Variants in QTMAN observed in about 807,000 individuals in gnomAD.
QTMAN encodes tRNA-queuosine alpha-mannosyltransferase.
chr2:144,244,965 GC>G, the QTMAN span, among the ~76,000 whole-genome samples: 1 of 152,188 alleles, frequency 6.6e-6, no homozygotes, highest in Non-Finnish European at 1.5e-5. Flanking sequence ...TTTGCTGCCT[GC>G]TACATGCATG....
At chr2:144,208,376 G>A in the QTMAN span, among the ~76,000 whole-genome samples, 2 of 152,270 alleles carry the variant, frequency 1.3e-5, no homozygotes, top group Admixed American at 1.3e-4. Context: ...AAGACAATGA[G>A]AAAACACATA....
chr2:144,288,043 CGGGGTTTCACCATATT>C, the QTMAN span, among the ~76,000 whole-genome samples: 29 of 151,886 alleles, frequency 1.9e-4, no homozygotes, highest in Middle Eastern at 3.4e-3. Flanking sequence ...TTAGTAGAGA[CGGGGTTTCACCATATT>C]GGGGTTTCAC....
chr2:144,292,050 C>T, the QTMAN span, among the ~76,000 whole-genome samples: 1 of 152,212 alleles, frequency 6.6e-6, no homozygotes, highest in African/African-American at 2.4e-5. Context: ...CATTTAGCTC[C>T]TCTGAGTGTT....
chr2:144,179,602 C>T, the QTMAN span, among the ~76,000 whole-genome samples: 4 of 152,228 alleles, frequency 2.6e-5, no homozygotes, highest in East Asian at 3.9e-4. Context: ...TGGTTCTGAA[C>T]GTCTTCATAA....
At chr2:144,218,216 G>A in the QTMAN span, among the ~76,000 whole-genome samples, 1 of 152,192 alleles carries the variant, frequency 6.6e-6, no homozygotes, top group South Asian at 2.1e-4. Flanking sequence ...TTTATGTACA[G>A]ATTGTATTAC....
chr2:144,319,889 A>G, the QTMAN span: 3 of 152,232 alleles, frequency 2.0e-5, no homozygotes, highest in Non-Finnish European at 4.4e-5. Context: ...AGACAGTGTC[A>G]CCAACAGCAT....
the QTMAN span, among the ~76,000 whole-genome samples, chr2:144,165,143 G>A: frequency 7.2e-5 from 11 of 152,056 alleles, no homozygotes; most frequent in East Asian, 1.9e-4. Context: ...AGGCCGAGGC[G>A]GGTGGATCAC....
the QTMAN span, among the ~76,000 whole-genome samples, chr2:144,133,302 T>A: frequency 5.0e-5 from 2 of 39,862 alleles, no homozygotes; most frequent in Non-Finnish European, 9.6e-5. Flanking sequence ...AATATATATG[T>A]TCATATAAAT....
the QTMAN span, among the ~76,000 whole-genome samples, chr2:144,161,443 T>A: frequency 6.6e-6 from 1 of 152,128 alleles, no homozygotes; most frequent in Non-Finnish European, 1.5e-5. Flanking sequence ...AGGTTAAAAT[T>A]AAATGTGAAT....
chr2:144,308,552 C>T, the QTMAN span, among the ~76,000 whole-genome samples: 4 of 152,030 alleles, frequency 2.6e-5, no homozygotes, highest in East Asian at 3.9e-4. Flanking sequence ...TGATCCTTAC[C>T]GCACACTATA....
At chr2:144,006,326 G>C in the QTMAN span, 3 of 152,036 alleles carry the variant, frequency 2.0e-5, no homozygotes, top group Non-Finnish European at 4.4e-5. Flanking sequence ...CCTCGGCAAA[G>C]GCGCTTTGCC....
At chr2:144,255,020 T>G in the QTMAN span, among the ~76,000 whole-genome samples, 3 of 152,248 alleles carry the variant, frequency 2.0e-5, 1 homozygote, top group Non-Finnish European at 4.4e-5. Flanking sequence ...TAACTTGCTT[T>G]TAATTTCATG....
At chr2:144,195,969 G>C in the QTMAN span, among the ~76,000 whole-genome samples, 30 of 152,090 alleles carry the variant, frequency 2.0e-4, no homozygotes, top group Non-Finnish European at 4.3e-4. Flanking sequence ...AATCTTTGCA[G>C]TAATGGCATT....
chr2:144,067,878 T>C, the QTMAN span, among the ~76,000 whole-genome samples: 6 of 152,188 alleles, frequency 3.9e-5, no homozygotes, highest in South Asian at 2.1e-4. Flanking sequence ...AATTATCTTG[T>C]TCATGTGGTG....
the QTMAN span, among the ~76,000 whole-genome samples, chr2:144,168,304 C>T: frequency 6.6e-6 from 1 of 152,190 alleles, no homozygotes; most frequent in Admixed American, 6.6e-5. Flanking sequence ...ATAAGCCAGA[C>T]TCTTTACTTT....
At chr2:143,963,755 G>A in the QTMAN span, 1 of 152,056 alleles carries the variant, frequency 6.6e-6, no homozygotes, top group Non-Finnish European at 1.5e-5. Context: ...TCTGTCAGGA[G>A]CTTATATGCC....
At chr2:144,088,672 T>G in the QTMAN span, among the ~76,000 whole-genome samples, 4,012 of 152,016 alleles carry the variant, frequency 0.026, 88 homozygotes, top group Non-Finnish European at 0.037. Flanking sequence ...AGCCACATAT[T>G]CATAGCCAAC....
the QTMAN span, among the ~76,000 whole-genome samples, chr2:144,297,333 T>C: frequency 6.6e-6 from 1 of 152,140 alleles, no homozygotes; most frequent in Non-Finnish European, 1.5e-5. Context: ...AACAATGGAT[T>C]TCACGCAAAA....
the QTMAN span, among the ~76,000 whole-genome samples, chr2:144,096,278 T>A: frequency 1.3e-5 from 2 of 152,220 alleles, no homozygotes; most frequent in African/African-American, 4.8e-5. Context: ...TTTCTTCTAT[T>A]AGCATATTGG....
Sources: gnomAD v4.1 joint callset for allele counts (sites outside exome capture counted in the v4.1 genomes callset) on GRCh38, gnomAD v4.1.1 for gene constraint, MANE v1.5 for transcripts, NCBI Gene and HGNC (gene_info 2026-07-23, HGNC 2026-07-21) for gene names.